CTDSPL: variants seen among roughly 807,000 people sequenced by gnomAD.
CTDSPL encodes the protein CTD small phosphatase-like protein.
CTDSPL carries 8 observed loss-of-function variants against 30.5 expected under a neutral mutation model. The ratio of observed to expected loss-of-function variants is 0.26; its 90% CI spans 0.15 to 0.47. The LOEUF (loss-of-function observed/expected upper bound fraction) is 0.47. Ranked by LOEUF, CTDSPL falls within the 20% of genes least tolerant of loss-of-function variation. The pLI, the probability that CTDSPL is intolerant of heterozygous loss-of-function variation, is 0.99. For missense variants in CTDSPL, 248 were observed against 366.1 expected, an observed-to-expected ratio of 0.68 and a Z score of 2.63; for synonymous variants, 110 against 137.9, an observed-to-expected ratio of 0.80 and a Z score of 1.42.
chr3:37,977,271 T>G (rs922422133), intron 7 of CTDSPL, among the ~76,000 whole-genome samples: 3 of 152,252 alleles, frequency 2.0e-5, no homozygotes, highest in Non-Finnish European at 1.5e-5. Flanking sequence ...GTGTTCATAT[T>G]GTCCCTATCA....
intron 1 of CTDSPL, among the ~76,000 whole-genome samples, chr3:37,941,850 C>T (rs997744498): frequency 2.0e-4 from 30 of 150,356 alleles, no homozygotes; most frequent in African/African-American, 7.0e-4. Flanking sequence ...TGTGGTCCTC[C>T]TTGCATGGTC....
intron 3 of CTDSPL, among the ~76,000 whole-genome samples, chr3:37,960,535 TACACACACACACACACAC>T (rs71288085): frequency 1.2e-4 from 2 of 16,288 alleles, no homozygotes; most frequent in South Asian, 3.2e-3. Context: ...TATATATATA[TACACACACACACACACAC>T]ACACACACAC....
chr3:37,924,008 C>G (rs765200538), intron 1 of CTDSPL, among the ~76,000 whole-genome samples: 18 of 152,184 alleles, frequency 1.2e-4, no homozygotes, highest in Non-Finnish European at 2.2e-4. Context: ...AGAAACTCTT[C>G]TATTTTACTC....
At chr3:37,868,500 G>A (rs1049877930) in intron 1 of CTDSPL, among the ~76,000 whole-genome samples, 3 of 151,854 alleles carry the variant, frequency 2.0e-5, no homozygotes, top group Admixed American at 6.6e-5. Context: ...ACTAGATCCC[G>A]AAGGTTTTCT....
chr3:37,964,836 A>G (rs1699282781), intron 4 of CTDSPL, among the ~76,000 whole-genome samples, 164 bp downstream of exon 4: 1 of 152,226 alleles, frequency 6.6e-6, no homozygotes, highest in African/African-American at 2.4e-5. Flanking sequence ...AACATTAACT[A>G]AAGTAGTTGA....
chr3:37,959,273 A>T (rs1390890535), intron 3 of CTDSPL, among the ~76,000 whole-genome samples: 1 of 152,140 alleles, frequency 6.6e-6, no homozygotes, highest in Non-Finnish European at 1.5e-5. Flanking sequence ...TTGGTCTTTT[A>T]ATTTTTTACT....
chr3:37,947,494 A>G (rs1452479612), intron 2 of CTDSPL, among the ~76,000 whole-genome samples: 1 of 152,186 alleles, frequency 6.6e-6, no homozygotes, highest in African/African-American at 2.4e-5. Flanking sequence ...TGGGAGGCGG[A>G]GGTTGCAGTG....
Position 37,984,227 on chromosome 3 carries a change from G to A in CTDSPL, c.*3360G>A, listed in dbSNP as rs1452310437. ...CTGTACTGTAACTTTGATCATGTCTGTTCCTGTTCCATTCTCCCAGGAGCT... is the reference window on the plus strand; with the variant it reads ...CTGTACTGTAACTTTGATCATGTCTATTCCTGTTCCATTCTCCCAGGAGCT... On this transcript the variant is annotated 3_prime_UTR_variant, in exon 8 of 8. Transcript: ENST00000273179. 8.8e-6 allele frequency: 4 copies of A among 456,252 alleles called. No individual in the cohort carries two copies. The highest frequency in any genetic ancestry group is 3.1e-5 in the South Asian group (2 of 64,506). 28.3% of individuals were successfully genotyped at this position (456,252 alleles called of 1,614,324 possible). A position where few individuals can be genotyped will look rare whatever the true frequency, so the allele number is the denominator to read the frequency against.
intron 2 of CTDSPL, among the ~76,000 whole-genome samples, chr3:37,949,068 C>T (rs1350591422): frequency 6.6e-6 from 1 of 151,996 alleles, no homozygotes; most frequent in African/African-American, 2.4e-5. Flanking sequence ...GATCCACCCG[C>T]CTCAGCCTCC....
intron 3 of CTDSPL, among the ~76,000 whole-genome samples, chr3:37,959,428 C>G (rs1424922749): frequency 2.0e-5 from 3 of 152,198 alleles, no homozygotes; most frequent in Non-Finnish European, 1.5e-5. Flanking sequence ...CTACTGCCTT[C>G]TAGGCAGTAC....
intron 1 of CTDSPL, among the ~76,000 whole-genome samples, chr3:37,888,294 G>T (rs925162000): frequency 5.3e-5 from 8 of 152,192 alleles, no homozygotes; most frequent in Non-Finnish European, 8.8e-5. Flanking sequence ...AAGTAAGATT[G>T]CATCAGTCTC....
intron 1 of CTDSPL, among the ~76,000 whole-genome samples, chr3:37,930,864 T>C (rs11711093): frequency 0.058 from 8,892 of 152,282 alleles, 295 homozygotes; most frequent in African/African-American, 0.085. Context: ...CTTCATGTAT[T>C]TGGGTGCTCT....
chr3:37,955,962 C>A (rs547681440), intron 2 of CTDSPL, among the ~76,000 whole-genome samples: 1 of 152,144 alleles, frequency 6.6e-6, no homozygotes, highest in Non-Finnish European at 1.5e-5. Context: ...TTTATCTGTG[C>A]AAGTTCTTGA....
chr3:37,937,768 G>A (rs573642959), intron 1 of CTDSPL, among the ~76,000 whole-genome samples: 10 of 150,372 alleles, frequency 6.7e-5, no homozygotes, highest in African/African-American at 2.4e-4. Context: ...GAGGATGGAG[G>A]ATTCTTGCTA....
chr3:37,889,213 C>G (rs771443136), intron 1 of CTDSPL, among the ~76,000 whole-genome samples: 4 of 152,086 alleles, frequency 2.6e-5, no homozygotes, highest in Non-Finnish European at 5.9e-5. Flanking sequence ...CAATACAGGA[C>G]GTGGACCACA....
In CTDSPL at chr3:37,862,321, C is replaced by T. The variant is rs538820139; in HGVS notation, c.79+43C>T. 2.6e-4 allele frequency: 368 copies of T among 1,420,950 alleles called. 5 individuals are homozygous for T. The South Asian group carries it at 4.9e-3, about 19-fold the overall frequency. The allele number at this position is 1,420,950 out of a possible 1,614,324, so 88.0% of individuals were successfully genotyped here. On this transcript the variant is annotated intron_variant, in intron 1 of 7. Transcript: ENST00000273179. This position sits in a 1 kb window ranked among gnomAD's most constrained non-coding sequence, Gnocchi z 4.3. ...CGGCCGCGGGCTGGGGGCGAGCGCA[C>T]ACCCCGCGCCGCTGGAGTTCACTGC...
chr3:37,899,543 G>A (rs902858177), intron 1 of CTDSPL, among the ~76,000 whole-genome samples: 6 of 152,200 alleles, frequency 3.9e-5, no homozygotes, highest in Non-Finnish European at 8.8e-5. Flanking sequence ...AGAGTTTGGC[G>A]TTGAGAAACT....
intron 1 of CTDSPL, among the ~76,000 whole-genome samples, chr3:37,864,935 C>G (rs1403049853): frequency 1.3e-5 from 2 of 152,002 alleles, no homozygotes; most frequent in African/African-American, 4.8e-5. Context: ...GGGGTGTGAC[C>G]TGAGGGTTCA....
chr3:37,900,824 A>C (rs1698441261), intron 1 of CTDSPL, among the ~76,000 whole-genome samples: 1 of 152,116 alleles, frequency 6.6e-6, no homozygotes, highest in Non-Finnish European at 1.5e-5. Flanking sequence ...TTTTAGACGA[A>C]GTCTCGCTCT....
Sources: allele counts gnomAD v4.1 joint callset (sites outside exome capture counted in the v4.1 genomes callset), GRCh38; gene constraint gnomAD v4.1.1; non-coding constraint Gnocchi (gnomAD v3.1); transcripts MANE v1.5; gene names NCBI Gene and HGNC (gene_info 2026-07-23, HGNC 2026-07-21).